The following NCOR1 variants were observed in gnomAD, a reference collection of about 807,000 sequenced individuals.
NCOR1 encodes the protein protein phosphatase 1, regulatory subunit 109.
In NCOR1, 63 loss-of-function variants were observed where a neutral mutation model predicts 288.1. The observed-to-expected ratio is 0.22, with a 90% confidence interval of 0.18 to 0.27. The LOEUF is 0.27. NCOR1 is among the 10% of genes least tolerant of loss of function. NCOR1 has a pLI of 1.00. For synonymous variants in NCOR1, 1,007 were observed against 1,065.9 expected (o/e 0.94, Z 1.08); for missense variants, 2,397 against 3,019.2 (o/e 0.79, Z 4.83).
chr17:16,138,440 C>T (rs1354370501), intron 12 of NCOR1, among the ~76,000 whole-genome samples: 2 of 152,086 alleles, frequency 1.3e-5, no homozygotes, highest in Non-Finnish European at 2.9e-5. Context: ...CAAAAATTAG[C>T]TGGGGATGGT....
At chr17:16,180,331 G>A (rs1386669980) in intron 3 of NCOR1, among the ~76,000 whole-genome samples, 14 of 152,178 alleles carry the variant, frequency 9.2e-5, no homozygotes, top group Admixed American at 9.2e-4. Flanking sequence ...TGGTGGGAAT[G>A]TAGATTGTTA....
Position 16,030,848 on chromosome 17 carries a change from G to A in NCOR1, c.*1448C>T. The A allele has an allele frequency of 5.3e-6, 1 of 186,948 alleles. No individual in the cohort carries two copies. The highest frequency in any genetic ancestry group is 1.1e-5 in the Non-Finnish European group (1 of 88,572). 11.6% of individuals were successfully genotyped at this position (186,948 alleles called of 1,614,324 possible). On this transcript the variant is annotated 3_prime_UTR_variant, in exon 46 of 46. Coordinates refer to ENST00000268712, the MANE Select transcript of NCOR1 (RefSeq NM_006311.4). ...TTGGTCAGTAGCTAATCACAGAGCT[G>A]CTTCCTTAAAAGCCTTGAGTACTTT...
intron 41 of NCOR1, 149 bp downstream of exon 41, chr17:16,048,696 T>C (rs1053946212): frequency 1.5e-5 from 10 of 669,278 alleles, no homozygotes; most frequent in Non-Finnish European, 1.9e-5. Flanking sequence ...TAGCATTAGA[T>C]GAGTAGGAAA....
intron 1 of NCOR1, among the ~76,000 whole-genome samples, chr17:16,205,374 G>A (rs1412960139): frequency 6.6e-6 from 1 of 152,172 alleles, no homozygotes; most frequent in Non-Finnish European, 1.5e-5. Flanking sequence ...TGTAATCCCA[G>A]CACTTCGGGA....
intron 4 of NCOR1, among the ~76,000 whole-genome samples, chr17:16,166,986 G>C (rs1372475158): frequency 6.6e-6 from 1 of 151,978 alleles, no homozygotes; most frequent in Non-Finnish European, 1.5e-5. Flanking sequence ...ACTTAGAAAT[G>C]TTAACGCATA....
chr17:16,052,323 C>T (rs1473041415), intron 40 of NCOR1, among the ~76,000 whole-genome samples: 2 of 152,024 alleles, frequency 1.3e-5, no homozygotes, highest in African/African-American at 4.8e-5. Context: ...GGCACCCGGC[C>T]TCAGAATCTG....
chr17:16,150,177 A>T (rs973702013), intron 8 of NCOR1, among the ~76,000 whole-genome samples: 45 of 152,134 alleles, frequency 3.0e-4, no homozygotes, highest in African/African-American at 1.1e-3. Flanking sequence ...TTTCAAGCTG[A>T]TTATTCAAAT....
At chr17:16,208,988 C>G (rs2091861574) in intron 1 of NCOR1, among the ~76,000 whole-genome samples, 1 of 152,110 alleles carries the variant, frequency 6.6e-6, no homozygotes, top group Non-Finnish European at 1.5e-5. Flanking sequence ...CTACAGCAAC[C>G]ACACTAACTC....
intron 34 of NCOR1, 79 bp downstream of exon 34, chr17:16,064,791 A>G: frequency 7.3e-7 from 1 of 1,377,158 alleles, no homozygotes; most frequent in Non-Finnish European, 9.7e-7. Flanking sequence ...AAAATTGCCC[A>G]AGATACCTTA....
intron 20 of NCOR1, 99 bp from the exon 21 acceptor site, chr17:16,098,595 G>GCACACATGGACAC: frequency 9.7e-7 from 1 of 1,034,906 alleles, no homozygotes; most frequent in Non-Finnish European, 1.4e-6. Context: ...ACATACACAT[G>GCACACATGGACAC]CACACATGGA....
At position 16,080,016 on chromosome 17, in the gene NCOR1, G is replaced by T; in HGVS notation, c.3449C>A (p.Thr1150Asn). ...QEGSITRGTP[T>N]SKISVESIPS... ...AATGCTCTCCACTGAAATTTTGCTG[G>T]TTGGAGTTCCCCGAGTTATACTTCC... Residue 1150 changes from threonine (T) to asparagine (N), a missense_variant, in exon 26 of 46, where the codon ACC (threonine) becomes AAC (asparagine). Transcript: ENST00000268712. 1 of 1,614,064 alleles carries T rather than the reference G, an allele frequency of 6.2e-7. No homozygotes were observed. Among genetic ancestry groups the T allele is most frequent in the Non-Finnish European group, 8.5e-7 (1 of 1,180,008 alleles).
intron 14 of NCOR1, among the ~76,000 whole-genome samples, chr17:16,127,626 T>TAC (rs551796764): frequency 8.8e-4 from 130 of 147,386 alleles, no homozygotes; most frequent in Non-Finnish European, 1.7e-3. Context: ...TGTGTATATA[T>TAC]ACATATATGT....
intron 1 of NCOR1, among the ~76,000 whole-genome samples, chr17:16,197,063 G>A (rs933772989): frequency 4.0e-5 from 6 of 151,648 alleles, no homozygotes; most frequent in Admixed American, 1.3e-4. Context: ...GGCCGGGCGC[G>A]GTGGCTCACG....
intron 2 of NCOR1, among the ~76,000 whole-genome samples, chr17:16,193,302 C>T (rs1310289074): frequency 6.6e-6 from 1 of 152,102 alleles, no homozygotes; most frequent in African/African-American, 2.4e-5. Context: ...GCAATTTTGG[C>T]TCACTGCAAC....
chr17:16,215,100 G>A (rs1254940560), intron 1 of NCOR1, among the ~76,000 whole-genome samples: 1 of 152,184 alleles, frequency 6.6e-6, no homozygotes, highest in Non-Finnish European at 1.5e-5. Flanking sequence ...GGCCAGCCCC[G>A]GCCCGGCCAC....
At chr17:16,194,083 TAA>T (rs1568602042) in intron 2 of NCOR1, among the ~76,000 whole-genome samples, 1 of 152,152 alleles carries the variant, frequency 6.6e-6, no homozygotes, top group Non-Finnish European at 1.5e-5. Flanking sequence ...ATCAATTTCT[TAA>T]AAAGAGAGAG....
At chr17:16,077,763 G>T (rs1958332684) in intron 26 of NCOR1, among the ~76,000 whole-genome samples, 1 of 152,116 alleles carries the variant, frequency 6.6e-6, no homozygotes, top group Non-Finnish European at 1.5e-5. Flanking sequence ...TGATTGTAAT[G>T]GTTCCTATTT....
chr17:16,153,438 A>G (rs772939050), intron 6 of NCOR1, 43 bp from the exon 7 acceptor site: 4 of 1,273,352 alleles, frequency 3.1e-6, no homozygotes, highest in Non-Finnish European at 4.4e-6. Context: ...TAAAAATTAC[A>G]TTATCTAAGT....
At chr17:16,083,632 T>C (rs1395814076) in intron 23 of NCOR1, among the ~76,000 whole-genome samples, 1 of 151,764 alleles carries the variant, frequency 6.6e-6, no homozygotes, top group Non-Finnish European at 1.5e-5. Context: ...ATTTGAAGCA[T>C]TCTCAGATGT....
Sources: allele counts gnomAD v4.1 joint callset (sites outside exome capture counted in the v4.1 genomes callset), GRCh38; gene constraint gnomAD v4.1.1; transcripts MANE v1.5; gene names NCBI Gene and HGNC (gene_info 2026-07-23, HGNC 2026-07-21).